CHRM3: variants seen among roughly 807,000 people sequenced by gnomAD.
CHRM3 encodes the protein cholinergic receptor muscarinic 3, also known as muscarinic acetylcholine receptor M3.
Under a neutral mutation model 41.8 loss-of-function variants are expected in CHRM3, and 11 were observed. The ratio of observed to expected loss-of-function variants is 0.26; its 90% CI spans 0.17 to 0.44. The LOEUF (loss-of-function observed/expected upper bound fraction) is 0.44, where lower values mean the gene tolerates loss of function less well. Ranked by LOEUF, CHRM3 falls within the 20% of genes least tolerant of loss-of-function variation. The pLI is 1.00. For missense variants in CHRM3, 571 were observed against 745.4 expected (o/e 0.77, Z 2.72); for synonymous variants, 297 against 301.4 (o/e 0.99, Z 0.15).
intron 6 of CHRM3, among the ~76,000 whole-genome samples, chr1:239,869,652 C>T (rs1336677342): frequency 6.6e-6 from 1 of 152,124 alleles, no homozygotes; most frequent in East Asian, 1.9e-4. Flanking sequence ...TCCTTTCTTC[C>T]TCTGACCCCC....
At chr1:239,618,660 C>T (rs377550340) in intron 3 of CHRM3, among the ~76,000 whole-genome samples, 221 of 151,218 alleles carry the variant, frequency 1.5e-3, no homozygotes, top group Middle Eastern at 3.4e-3. Flanking sequence ...CTGGCTAACA[C>T]GGTGAAACCC....
At chr1:239,485,510 C>T (rs893102280) in intron 1 of CHRM3, among the ~76,000 whole-genome samples, 12 of 152,044 alleles carry the variant, frequency 7.9e-5, no homozygotes, top group East Asian at 1.9e-4. Context: ...TCTTGAACTC[C>T]GGGCCTTAAG....
intron 6 of CHRM3, among the ~76,000 whole-genome samples, chr1:239,843,336 A>G (rs1438901902): frequency 1.3e-5 from 2 of 151,554 alleles, no homozygotes; most frequent in Admixed American, 1.3e-4. Flanking sequence ...CCAGGGACCC[A>G]TGCTGGCCTA....
At chr1:239,655,885 G>A (rs886534364) in intron 4 of CHRM3, among the ~76,000 whole-genome samples, 2 of 152,162 alleles carry the variant, frequency 1.3e-5, no homozygotes, top group South Asian at 4.1e-4. Context: ...GTTGGCAATA[G>A]CAAAGATGTG....
chr1:239,691,360 T>G (rs1288486138), intron 5 of CHRM3, among the ~76,000 whole-genome samples: 1 of 151,998 alleles, frequency 6.6e-6, no homozygotes, highest in Non-Finnish European at 1.5e-5. Flanking sequence ...TGGTGTTTGC[T>G]CAAAGAATTT....
chr1:239,696,754 A>G (rs1429198884), intron 5 of CHRM3, among the ~76,000 whole-genome samples: 1 of 152,218 alleles, frequency 6.6e-6, no homozygotes, highest in South Asian at 2.1e-4. Context: ...CATCTTGATG[A>G]CATTTAGTTT....
chr1:239,649,998 G>C (rs1335684044), intron 4 of CHRM3, among the ~76,000 whole-genome samples: 1 of 152,234 alleles, frequency 6.6e-6, no homozygotes, highest in Non-Finnish European at 1.5e-5. Flanking sequence ...CATGTGCACA[G>C]TTACTGAGCT....
intron 3 of CHRM3, among the ~76,000 whole-genome samples, chr1:239,567,874 G>T (rs951485105): frequency 6.6e-6 from 1 of 152,166 alleles, no homozygotes; most frequent in African/African-American, 2.4e-5. Context: ...AGCTTGTTTG[G>T]TGGCTTTCTC....
At chr1:239,769,253 G>A (rs1667471919) in intron 5 of CHRM3, among the ~76,000 whole-genome samples, 1 of 152,120 alleles carries the variant, frequency 6.6e-6, no homozygotes, top group Admixed American at 6.5e-5. Flanking sequence ...CCCGCCACCG[G>A]CCTGGTGAGG....
At chr1:239,799,881 T>A (rs2841040) in intron 5 of CHRM3, among the ~76,000 whole-genome samples, 11 of 151,990 alleles carry the variant, frequency 7.2e-5, no homozygotes, top group Admixed American at 3.3e-4. Context: ...CGTTGGAAGC[T>A]TAGACTGTAA....
chr1:239,854,356 G>C (rs1461309614), intron 6 of CHRM3, among the ~76,000 whole-genome samples: 1 of 151,906 alleles, frequency 6.6e-6, no homozygotes, highest in Non-Finnish European at 1.5e-5. Flanking sequence ...AGACTATTCT[G>C]TCCACTGGTG....
intron 1 of CHRM3, among the ~76,000 whole-genome samples, chr1:239,453,430 A>G (rs2354395): frequency 0.068 from 10,369 of 152,240 alleles, 694 homozygotes; most frequent in African/African-American, 0.18. Context: ...TTTCTTTAAT[A>G]TGGTTTCATC....
chr1:239,852,461 A>G (rs1674773136), intron 6 of CHRM3, among the ~76,000 whole-genome samples: 2 of 152,290 alleles, frequency 1.3e-5, no homozygotes, highest in South Asian at 4.1e-4. Context: ...CCTCATTTAT[A>G]TTCTTTGAAC....
intron 3 of CHRM3, among the ~76,000 whole-genome samples, chr1:239,564,704 C>T (rs767102992): frequency 3.3e-5 from 5 of 152,020 alleles, no homozygotes; most frequent in Non-Finnish European, 7.4e-5. Flanking sequence ...TTTCTTACCC[C>T]ACAGTCATTA....
intron 1 of CHRM3, among the ~76,000 whole-genome samples, chr1:239,414,809 C>G (rs1424174461): frequency 6.6e-6 from 1 of 152,200 alleles, no homozygotes. Context: ...CAGTTTGACT[C>G]TTTGATACAG....
At chr1:239,508,988 A>G (rs145820331) in intron 2 of CHRM3, among the ~76,000 whole-genome samples, 5 of 152,330 alleles carry the variant, frequency 3.3e-5, no homozygotes, top group African/African-American at 1.2e-4. Flanking sequence ...AAATAAATAT[A>G]CTGGATACAC....
At chr1:239,471,003 C>T (rs1666079028) in intron 1 of CHRM3, among the ~76,000 whole-genome samples, 1 of 152,064 alleles carries the variant, frequency 6.6e-6, no homozygotes, top group African/African-American at 2.4e-5. Flanking sequence ...AAATAGTTTC[C>T]AGTGGAAAAG....
chr1:239,762,121 G>T (rs1666840860), intron 5 of CHRM3, among the ~76,000 whole-genome samples: 1 of 152,020 alleles, frequency 6.6e-6, no homozygotes, highest in Admixed American at 6.6e-5. Context: ...TTGTAGTTGA[G>T]GCAATAGGGT....
intron 2 of CHRM3, among the ~76,000 whole-genome samples, chr1:239,501,235 A>G (rs1668221563): frequency 6.6e-6 from 1 of 152,242 alleles, no homozygotes; most frequent in African/African-American, 2.4e-5. Context: ...CAGAAAGTCA[A>G]CAAAGAAACA....
Sources: gnomAD v4.1 joint callset for allele counts (sites outside exome capture counted in the v4.1 genomes callset) on GRCh38, gnomAD v4.1.1 for gene constraint, MANE v1.5 for transcripts, NCBI Gene and HGNC (gene_info 2026-07-23, HGNC 2026-07-21) for gene names.